CUX2: variants seen among roughly 807,000 people sequenced by gnomAD.
CUX2 encodes cut like homeobox 2.
CUX2 carries 40 observed loss-of-function variants against 144.8 expected under a neutral mutation model. The observed-to-expected ratio is 0.28, with a 90% CI of 0.21 to 0.36. The LOEUF (loss-of-function observed/expected upper bound fraction) is 0.36, where lower values mean the gene tolerates loss of function less well. Among genes scored for constraint, CUX2 ranks in the 10% least tolerant of loss-of-function variants. CUX2 has a pLI of 1.00. For synonymous variants in CUX2, 827 were observed against 875.6 expected (o/e 0.94, Z 0.98); for missense variants, 1,615 against 1,994.0 (o/e 0.81, Z 3.62).
rs549098581 is a variant in CUX2, at chr12:111,059,094, G to A, written c.63+24854G>A. On this transcript the variant is annotated intron_variant, in intron 1 of 21. Coordinates refer to ENST00000261726, the MANE Select transcript of CUX2 (RefSeq NM_015267.4). The surrounding 1 kb of genome is among the most constrained non-coding windows in gnomAD (Gnocchi z 5.3). ...GTTCCCTTAACCGTAAACATCTAGA[G>A]GCTCGGAATGCTGAACTTTCTGAGG... Among the ~76,000 whole-genome samples the A allele has an allele frequency of 8.5e-5, 13 of 152,344 alleles. No homozygotes were observed. The highest frequency in any genetic ancestry group is 2.1e-4 in the South Asian group (1 of 4,824).
At chr12:111,296,134 G>A (rs1241332924) in intron 7 of CUX2, among the ~76,000 whole-genome samples, 1 of 152,052 alleles carries the variant, frequency 6.6e-6, no homozygotes, top group Admixed American at 6.5e-5. Flanking sequence ...TAAGGGTGTT[G>A]GGGGGCTTAT....
At chr12:111,094,944 G>A (rs1049979039) in intron 1 of CUX2, among the ~76,000 whole-genome samples, 6 of 152,184 alleles carry the variant, frequency 3.9e-5, no homozygotes, top group African/African-American at 1.2e-4. Context: ...AAGGTAGACT[G>A]GCTTAGTTAC....
At chr12:111,338,071 C>G (rs745944701) in intron 19 of CUX2, among the ~76,000 whole-genome samples, 4 of 152,006 alleles carry the variant, frequency 2.6e-5, no homozygotes, top group Non-Finnish European at 5.9e-5. Flanking sequence ...TTGTTGGTTG[C>G]TGCCTCGTCC....
chr12:111,173,497 C>G (rs1011558620), intron 1 of CUX2, among the ~76,000 whole-genome samples: 1 of 152,226 alleles, frequency 6.6e-6, no homozygotes, highest in Non-Finnish European at 1.5e-5. Context: ...GTGCTGGGCG[C>G]ACAGGGGTAC....
intron 4 of CUX2, among the ~76,000 whole-genome samples, chr12:111,283,762 G>A (rs1224464191): frequency 6.6e-6 from 1 of 152,128 alleles, no homozygotes. Context: ...GTAGAGAGGG[G>A]TTTCACCATG....
rs745606612 is a variant in CUX2, at chr12:111,295,456, G to C, written c.637+47G>C. 1 of 1,548,974 alleles carries C rather than the reference G, an allele frequency of 6.5e-7. No individual in the cohort carries two copies. The highest frequency in any genetic ancestry group is 2.3e-5 in the East Asian group (1 of 43,642). On this transcript the variant is annotated intron_variant, in intron 7 of 21. Coordinates refer to ENST00000261726, the MANE Select transcript of CUX2 (RefSeq NM_015267.4). The surrounding 1 kb of genome is among the most constrained non-coding windows in gnomAD (Gnocchi z 5.0). ...CCTAGAGGGAGGACTGGGAGGGGAC[G>C]GTAATGCTGTCAACGAGGGGTCACG...
chr12:111,231,865 T>C (rs2136245575), intron 3 of CUX2, among the ~76,000 whole-genome samples: 1 of 152,238 alleles, frequency 6.6e-6, no homozygotes, highest in South Asian at 2.1e-4. Flanking sequence ...CCCAGCACTT[T>C]GGGAGGCTGG....
In CUX2 at chr12:111,322,718, T is replaced by G; in HGVS notation, c.2926+138T>G. 1 of 1,118,152 alleles carries G rather than the reference T, an allele frequency of 8.9e-7. No homozygotes were observed. Among genetic ancestry groups the G allele is most frequent in the South Asian group, 1.4e-5 (1 of 69,652 alleles). 69.3% of individuals were successfully genotyped at this position (1,118,152 alleles called of 1,614,324 possible). A position where few individuals can be genotyped will look rare whatever the true frequency, so the allele number is the denominator to read the frequency against. On this transcript the variant is annotated intron_variant, in intron 18 of 21. Transcript: ENST00000261726. This position sits in a 1 kb window ranked among gnomAD's most constrained non-coding sequence, Gnocchi z 4.2. ...CTGGCTTTCATCCCAGTCACTGTCATGGCTGCACTGGAACATGGCGGGGGG... is the reference window on the plus strand; with the variant it reads ...CTGGCTTTCATCCCAGTCACTGTCAGGGCTGCACTGGAACATGGCGGGGGG...
chr12:111,042,495 C>T (rs569693669), intron 1 of CUX2, among the ~76,000 whole-genome samples: 1 of 152,292 alleles, frequency 6.6e-6, no homozygotes, highest in South Asian at 2.1e-4. Flanking sequence ...CAGCAGGCCT[C>T]GGTTCAAATC....
chr12:111,068,658 G>A lies in CUX2; in HGVS notation c.63+34418G>A, dbSNP rs974207450. Among the ~76,000 whole-genome samples the A allele has an allele frequency of 6.6e-6, 1 of 152,230 alleles. No homozygotes were observed. The highest frequency in any genetic ancestry group is 2.4e-5 in the African/African-American group (1 of 41,458). ...GCAGCAGTGCCTTTGTAGCTCACCTGCTCTGCCTTGCGTGGTTCAACTCCG... is the reference window on the plus strand; with the variant it reads ...GCAGCAGTGCCTTTGTAGCTCACCTACTCTGCCTTGCGTGGTTCAACTCCG... On this transcript the variant is annotated intron_variant, in intron 1 of 21. Coordinates refer to ENST00000261726, the MANE Select transcript of CUX2 (RefSeq NM_015267.4). This position sits in a 1 kb window ranked among gnomAD's most constrained non-coding sequence, Gnocchi z 4.9.
Position 111,312,057 on chromosome 12 carries a change from C to G in CUX2, c.1901-43C>G, listed in dbSNP as rs199529605. ...CCCCACCAGGCTCCGGAGACTGAGC[C>G]CAACATGCAGATCCTGCCACAGATG... is the stretch of plus-strand genomic sequence containing the variant. On this transcript the variant is annotated intron_variant, in intron 15 of 21. Transcript: ENST00000261726. The surrounding 1 kb of genome is among the most constrained non-coding windows in gnomAD (Gnocchi z 4.3). The G allele has an allele frequency of 2.1e-5, 33 of 1,567,812 alleles. No homozygotes were observed. Among genetic ancestry groups the G allele is most frequent in the Non-Finnish European group, 2.6e-5 (30 of 1,144,854 alleles).
intron 21 of CUX2, 65 bp from the exon 22 acceptor site, chr12:111,347,459 C>A: frequency 1.4e-6 from 2 of 1,459,460 alleles, no homozygotes; most frequent in East Asian, 2.3e-5. Flanking sequence ...GCCATGTATG[C>A]AGATGGAGTC....
intron 1 of CUX2, among the ~76,000 whole-genome samples, chr12:111,041,165 CT>C (rs571212571): frequency 2.0e-5 from 3 of 152,234 alleles, no homozygotes; most frequent in Non-Finnish European, 4.4e-5. Flanking sequence ...CCAAGCCTTA[CT>C]TTCTTTGTCT....
At position 111,289,091 on chromosome 12, in the gene CUX2, C is replaced by G. The variant is rs999043429; in HGVS notation, c.302-2327C>G. 2.0e-5 allele frequency among the ~76,000 whole-genome samples: 3 copies of G among 152,140 alleles called. No homozygotes were observed. The highest frequency in any genetic ancestry group is 7.2e-5 in the African/African-American group (3 of 41,448). On this transcript the variant is annotated intron_variant, in intron 4 of 21. Transcript: ENST00000261726. The surrounding 1 kb of genome is among the most constrained non-coding windows in gnomAD (Gnocchi z 4.1). ...TGAGCTGAGATCACGCCACTGCACT[C>G]CAGCCTGGGCAACAGAGCCAGATTC...
chr12:111,178,959 A>G lies in CUX2; in HGVS notation c.64-35241A>G, dbSNP rs1879009168. 6.6e-6 allele frequency among the ~76,000 whole-genome samples: 1 copy of G among 152,134 alleles called. No individual in the cohort carries two copies. Among genetic ancestry groups the G allele is most frequent in the African/African-American group, 2.4e-5 (1 of 41,430 alleles). Reference sequence around the variant, plus strand: ...GCGCAGGGGAAAGCAGGGCTGAGAGAGGCCTGGGAGCAGACTGTGCAGGAC... The same window carrying G: ...GCGCAGGGGAAAGCAGGGCTGAGAGGGGCCTGGGAGCAGACTGTGCAGGAC... On this transcript the variant is annotated intron_variant, in intron 1 of 21. Transcript: ENST00000261726. The surrounding 1 kb of genome is among the most constrained non-coding windows in gnomAD (Gnocchi z 5.7).
chr12:111,332,384 T>G lies in CUX2; in HGVS notation c.2927-2057T>G, dbSNP rs574888836. On this transcript the variant is annotated intron_variant, in intron 18 of 21. Coordinates refer to ENST00000261726, the MANE Select transcript of CUX2 (RefSeq NM_015267.4). ...CTGACCTTAGGTGATCCTCCCACCT[T>G]GGCCTCCCAAATTGCTGGGATTATG... 7.9e-5 allele frequency among the ~76,000 whole-genome samples: 12 copies of G among 152,158 alleles called. No individual in the cohort carries two copies. In the South Asian group the frequency reaches 2.5e-3, roughly 32 times the overall value.
chr12:111,132,557 CTTTTTTTTTTTTTTT>C (rs1182564665), intron 1 of CUX2, among the ~76,000 whole-genome samples: 2 of 97,170 alleles, frequency 2.1e-5, no homozygotes, highest in Admixed American at 1.1e-4. Flanking sequence ...GCTCTGTTTC[CTTTTTTTTTTTTTTT>C]TTTTTTTTTT....
chr12:111,189,230 C>T (rs764950005), intron 1 of CUX2, among the ~76,000 whole-genome samples: 1 of 152,174 alleles, frequency 6.6e-6, no homozygotes, highest in Non-Finnish European at 1.5e-5. Flanking sequence ...CATGATTGCA[C>T]CTCTATACTC....
At chr12:111,161,017 AGTGG>A (rs1027486600) in intron 1 of CUX2, among the ~76,000 whole-genome samples, 4 of 152,108 alleles carry the variant, frequency 2.6e-5, no homozygotes, top group African/African-American at 9.7e-5. Context: ...TCAGGTCCGC[AGTGG>A]GTGGGTGGTG....
Sources: allele counts gnomAD v4.1 joint callset (sites outside exome capture counted in the v4.1 genomes callset), GRCh38; gene constraint gnomAD v4.1.1; non-coding constraint Gnocchi (gnomAD v3.1); transcripts MANE v1.5; gene names NCBI Gene and HGNC (gene_info 2026-07-23, HGNC 2026-07-21).